DEPDC1B: variants seen among roughly 807,000 people sequenced by gnomAD.
The protein encoded by DEPDC1B is DEP domain containing 1B.
In DEPDC1B, 51 loss-of-function variants were observed where a neutral mutation model predicts 66.5. The ratio of observed to expected loss-of-function variants is 0.77; its 90% CI spans 0.61 to 0.97. DEPDC1B has a LOEUF of 0.97. DEPDC1B is among the 50% of genes least tolerant of loss of function. The probability of loss-of-function intolerance (pLI) is 0.00; values close to 1 mark genes in which losing one functional copy is unlikely to be tolerated. For synonymous variants in DEPDC1B, 226 were observed against 223.6 expected (o/e 1.01, Z -0.10); for missense variants, 552 against 637.1 (o/e 0.87, Z 1.44).
chr5:60,685,786 G>A (rs767301296), intron 2 of DEPDC1B, among the ~76,000 whole-genome samples: 6 of 152,190 alleles, frequency 3.9e-5, no homozygotes, highest in Non-Finnish European at 7.3e-5. Flanking sequence ...AGTATGGCAT[G>A]TAGAATCAGG....
intron 9 of DEPDC1B, among the ~76,000 whole-genome samples, chr5:60,600,700 T>C (rs1336076979): frequency 6.6e-6 from 1 of 152,230 alleles, no homozygotes; most frequent in Non-Finnish European, 1.5e-5. Context: ...CAAGATCATG[T>C]TTACCTGCAG....
intron 6 of DEPDC1B, among the ~76,000 whole-genome samples, chr5:60,641,964 A>T (rs992964514): frequency 1.3e-5 from 2 of 152,198 alleles, no homozygotes; most frequent in Non-Finnish European, 2.9e-5. Flanking sequence ...GCTATTCAAA[A>T]TCATAGGATC....
chr5:60,637,862 C>T (rs1208841703), intron 7 of DEPDC1B, among the ~76,000 whole-genome samples: 2 of 152,166 alleles, frequency 1.3e-5, no homozygotes, highest in Non-Finnish European at 2.9e-5. Context: ...GATCAAGTAA[C>T]TTATTTACAT....
chr5:60,604,218 C>CTTTTTTTTTTTTTTTTTTTTTTTT lies in DEPDC1B; in HGVS notation c.1066-652_1066-651insAAAAAAAAAAAAAAAAAAAAAAAA, dbSNP rs869142199. Among the ~76,000 whole-genome samples, 109 of 68,966 alleles carry CTTTTTTTTTTTTTTTTTTTTTTTT rather than the reference C, an allele frequency of 1.6e-3. 29 individuals are homozygous for CTTTTTTTTTTTTTTTTTTTTTTTT. Among genetic ancestry groups the CTTTTTTTTTTTTTTTTTTTTTTTT allele is most frequent in the Non-Finnish European group, 2.4e-3 (86 of 35,536 alleles). The allele number at this position is 68,966 out of a possible 152,430, so 45.2% of individuals were successfully genotyped here. On this transcript the variant is annotated intron_variant, in intron 8 of 10. Transcript: ENST00000265036. ...TTCCATAGAATTGAAATTAACTATT[C>CTTTTTTTTTTTTTTTTTTTTTTTT]TTTTTTTTTTTTTTTTTTTTTTTAC...
chr5:60,689,109 G>A lies in DEPDC1B; in HGVS notation c.49-1882C>T, dbSNP rs1312599938. ...AGACTTGAGTTCAAATCCCAGTTCT[G>A]CCATATACTGGTTGCACAGGCCCTG... On this transcript the variant is annotated intron_variant, in intron 1 of 10. Transcript: ENST00000265036. 7 of 454,968 alleles carry A rather than the reference G, an allele frequency of 1.5e-5. No homozygotes were observed. The East Asian group carries it at 4.9e-4, about 32-fold the overall frequency. The allele number at this position is 454,968 out of a possible 1,614,324, so 28.2% of individuals were successfully genotyped here.
chr5:60,665,473 G>A (rs985718657), intron 2 of DEPDC1B, among the ~76,000 whole-genome samples: 5 of 152,188 alleles, frequency 3.3e-5, no homozygotes, highest in African/African-American at 9.6e-5. Flanking sequence ...ACTACAAATC[G>A]TTCTTCAAAT....
chr5:60,668,712 A>G (rs1753962228), intron 2 of DEPDC1B, among the ~76,000 whole-genome samples: 2 of 152,252 alleles, frequency 1.3e-5, no homozygotes, highest in Admixed American at 6.5e-5. Context: ...CAACCTCATC[A>G]GTAATCAAGG....
intron 7 of DEPDC1B, among the ~76,000 whole-genome samples, chr5:60,633,027 T>C (rs1311067773): frequency 6.6e-6 from 1 of 152,220 alleles, no homozygotes; most frequent in African/African-American, 2.4e-5. Context: ...GTGCCTGCTG[T>C]GTGCCAGCTG....
At chr5:60,607,768 G>A (rs1173354810) in intron 7 of DEPDC1B, among the ~76,000 whole-genome samples, 1 of 152,184 alleles carries the variant, frequency 6.6e-6, no homozygotes, top group African/African-American at 2.4e-5. Context: ...GAGCAAGCCA[G>A]GGAAATACTG....
intron 2 of DEPDC1B, among the ~76,000 whole-genome samples, chr5:60,659,396 C>G (rs1220862760): frequency 6.6e-6 from 1 of 152,216 alleles, no homozygotes; most frequent in African/African-American, 2.4e-5. Flanking sequence ...GGGCACCTGT[C>G]AGCCAGTTAA....
At chr5:60,655,456 T>A (rs997314530) in intron 2 of DEPDC1B, among the ~76,000 whole-genome samples, 3 of 149,290 alleles carry the variant, frequency 2.0e-5, no homozygotes, top group Non-Finnish European at 4.4e-5. Context: ...TGTATTTATA[T>A]GGTATCAGTT....
chr5:60,643,623 A>C (rs1753240741), intron 5 of DEPDC1B, among the ~76,000 whole-genome samples: 1 of 152,260 alleles, frequency 6.6e-6, no homozygotes, highest in South Asian at 2.1e-4. Flanking sequence ...TTACTTAATA[A>C]AATGAAAGAT....
chr5:60,647,366 C>T (rs759133851), intron 3 of DEPDC1B, 32 bp downstream of exon 3: 1 of 1,561,998 alleles, frequency 6.4e-7, no homozygotes, highest in Admixed American at 2.0e-5. Context: ...TCCCTGCTGC[C>T]AGCCCTTCCA....
At chr5:60,628,449 AAGAAACTC>A (rs1752850253) in intron 7 of DEPDC1B, 2 of 152,216 alleles carry the variant, frequency 1.3e-5, no homozygotes, top group Non-Finnish European at 2.9e-5. Context: ...TCAGCCAGAG[AAGAAACTC>A]AGAAGAGTTA....
chr5:60,603,943 TTATAGCCATTTAGTCAA>T (rs1752258585), intron 8 of DEPDC1B, among the ~76,000 whole-genome samples: 1 of 151,636 alleles, frequency 6.6e-6, no homozygotes, highest in African/African-American at 2.4e-5. Context: ...TCAAAGCACT[TTATAGCCATTTAGTCAA>T]TTATTATTTA....
chr5:60,634,027 G>A (rs764332488), intron 7 of DEPDC1B, among the ~76,000 whole-genome samples: 2 of 152,194 alleles, frequency 1.3e-5, no homozygotes, highest in South Asian at 2.1e-4. Context: ...CCATGGACAG[G>A]TATAGGCAAA....
At chr5:60,675,106 G>A (rs1367936831) in intron 2 of DEPDC1B, among the ~76,000 whole-genome samples, 1 of 152,110 alleles carries the variant, frequency 6.6e-6, no homozygotes, top group Non-Finnish European at 1.5e-5. Context: ...AAATGACCAA[G>A]GAGAAGACAT....
chr5:60,658,527 G>A (rs1029200549), intron 2 of DEPDC1B, among the ~76,000 whole-genome samples: 5 of 152,138 alleles, frequency 3.3e-5, no homozygotes, highest in Admixed American at 1.3e-4. Flanking sequence ...TTCCTAGGCC[G>A]ACTAAGAATT....
chr5:60,672,516 T>C (rs1754064796), intron 2 of DEPDC1B, among the ~76,000 whole-genome samples: 1 of 152,072 alleles, frequency 6.6e-6, no homozygotes, highest in Non-Finnish European at 1.5e-5. Context: ...TAACTCACTA[T>C]CACAAGAACA....
Sources: allele counts gnomAD v4.1 joint callset (sites outside exome capture counted in the v4.1 genomes callset), GRCh38; gene constraint gnomAD v4.1.1; transcripts MANE v1.5; gene names NCBI Gene and HGNC (gene_info 2026-07-23, HGNC 2026-07-21).